The following MMP16 variants were observed in gnomAD, a reference collection of about 807,000 sequenced individuals.
MMP16 encodes the protein matrix metallopeptidase 16.
A neutral mutation model predicts 67.8 loss-of-function variants in MMP16; 12 were observed. The ratio of observed to expected loss-of-function variants is 0.18; its 90% CI spans 0.11 to 0.29. The LOEUF (loss-of-function observed/expected upper bound fraction) is 0.29. Among genes scored for constraint, MMP16 ranks in the 10% least tolerant of loss-of-function variants. The pLI is 1.00. For synonymous variants in MMP16, 249 were observed against 255.9 expected, an observed-to-expected ratio of 0.97 and a Z score of 0.26; for missense variants, 475 against 765.7, an observed-to-expected ratio of 0.62 and a Z score of 4.48.
At chr8:88,154,902 T>C (rs1808482458) in intron 4 of MMP16, among the ~76,000 whole-genome samples, 1 of 151,474 alleles carries the variant, frequency 6.6e-6, no homozygotes, top group Non-Finnish European at 1.5e-5. Flanking sequence ...GAAATACGTG[T>C]ATTATATATC....
chr8:88,227,118 A>G (rs1013061829), intron 1 of MMP16, among the ~76,000 whole-genome samples: 2 of 152,008 alleles, frequency 1.3e-5, no homozygotes, highest in African/African-American at 2.4e-5. Flanking sequence ...ATTAAAATAC[A>G]TAATAATGAT....
intron 4 of MMP16, among the ~76,000 whole-genome samples, chr8:88,164,513 G>A (rs1285411302): frequency 6.6e-6 from 1 of 152,038 alleles, no homozygotes; most frequent in Non-Finnish European, 1.5e-5. Context: ...CTGCCCTGCT[G>A]TTGCTGGTTA....
At chr8:88,302,306 T>C (rs1223025084) in intron 1 of MMP16, among the ~76,000 whole-genome samples, 1 of 152,238 alleles carries the variant, frequency 6.6e-6, no homozygotes, top group Admixed American at 6.5e-5. Flanking sequence ...TCTCACCTCT[T>C]GAGGAAAAAC....
intron 1 of MMP16, among the ~76,000 whole-genome samples, chr8:88,256,694 ACACACACACCC>A (rs1165487484): frequency 6.6e-6 from 1 of 151,340 alleles, no homozygotes; most frequent in African/African-American, 2.4e-5. Flanking sequence ...TCACACACAC[ACACACACACCC>A]CACACACACC....
At chr8:88,243,148 C>T (rs1236656793) in intron 1 of MMP16, among the ~76,000 whole-genome samples, 3 of 152,074 alleles carry the variant, frequency 2.0e-5, no homozygotes, top group Non-Finnish European at 4.4e-5. Context: ...CAGTTCCAGG[C>T]TTGAAGATAA....
intron 3 of MMP16, among the ~76,000 whole-genome samples, chr8:88,177,459 G>C (rs1041717478): frequency 6.6e-6 from 1 of 152,084 alleles, no homozygotes; most frequent in Non-Finnish European, 1.5e-5. Context: ...CCAAGAGAAG[G>C]AAAAACCCTC....
At chr8:88,304,502 C>T in intron 1 of MMP16, among the ~76,000 whole-genome samples, 1 of 152,134 alleles carries the variant, frequency 6.6e-6, no homozygotes, top group Non-Finnish European at 1.5e-5. Context: ...TCATCAGATT[C>T]TCCATGGTTG....
chr8:88,202,921 G>A (rs775940071), intron 1 of MMP16, among the ~76,000 whole-genome samples: 2 of 151,820 alleles, frequency 1.3e-5, no homozygotes, highest in Admixed American at 6.6e-5. Flanking sequence ...CCAGGTAAAC[G>A]TTCTAAAAGC....
chr8:88,264,226 T>A (rs1810439499), intron 1 of MMP16, among the ~76,000 whole-genome samples: 1 of 152,120 alleles, frequency 6.6e-6, no homozygotes, highest in African/African-American at 2.4e-5. Flanking sequence ...AGAGATGGAA[T>A]CTCACTGTGT....
At chr8:88,052,427 C>A (rs957885101) in intron 8 of MMP16, among the ~76,000 whole-genome samples, 1 of 152,150 alleles carries the variant, frequency 6.6e-6, no homozygotes, top group Non-Finnish European at 1.5e-5. Context: ...TTTGCTCCAT[C>A]TCCACTGCTA....
intron 9 of MMP16, among the ~76,000 whole-genome samples, chr8:88,044,745 A>G (rs984379140): frequency 2.6e-5 from 4 of 152,224 alleles, no homozygotes; most frequent in Non-Finnish European, 5.9e-5. Flanking sequence ...TATATAGCTT[A>G]GTAGATGTTC....
chr8:88,227,280 T>C (rs927755572), intron 1 of MMP16, among the ~76,000 whole-genome samples: 2 of 152,012 alleles, frequency 1.3e-5, no homozygotes, highest in Middle Eastern at 3.2e-3. Flanking sequence ...GGATCAAATA[T>C]AAAACATCAA....
intron 4 of MMP16, among the ~76,000 whole-genome samples, chr8:88,163,510 C>G (rs774893624): frequency 1.3e-5 from 2 of 151,950 alleles, no homozygotes; most frequent in Non-Finnish European, 2.9e-5. Context: ...ATTGCAACTA[C>G]GTGGTAAAAT....
At position 88,035,915 on chromosome 8, in the gene MMP16, A is replaced by G. The variant is rs2118167908; in HGVS notation, c.*5546T>C. On this transcript the variant is annotated 3_prime_UTR_variant, in exon 10 of 10. Transcript: ENST00000286614. The surrounding 1 kb of genome is among the most constrained non-coding windows in gnomAD (Gnocchi z 4.7). ...GGATGTTATTAATCTTACCTGAAATATTTCAGAATTGTTTCAAAATCACAC... is the reference window on the plus strand; with the variant it reads ...GGATGTTATTAATCTTACCTGAAATGTTTCAGAATTGTTTCAAAATCACAC... 6.6e-6 allele frequency: 1 copy of G among 152,106 alleles called. No individual in the cohort carries two copies. Among genetic ancestry groups the G allele is most frequent in the Non-Finnish European group, 1.5e-5 (1 of 67,870 alleles). The allele number at this position is 152,106 out of a possible 1,614,324, so 9.4% of individuals were successfully genotyped here.
Position 88,280,049 on chromosome 8 carries a change from T to C in MMP16, c.132+47026A>G, listed in dbSNP as rs1043383763. Among the ~76,000 whole-genome samples the C allele has an allele frequency of 5.9e-5, 9 of 152,248 alleles. No individual in the cohort carries two copies. The South Asian group carries it at 1.2e-3, about 21-fold the overall frequency. On this transcript the variant is annotated intron_variant, in intron 1 of 9. Transcript: ENST00000286614. The stretch of plus-strand genomic sequence containing the variant: ...AACATTTCCCTCCCTCCCACATCTC[T>C]CATGACCAAGCGGAGTCTCCCTCTG...
At chr8:88,263,512 T>C (rs1442390517) in intron 1 of MMP16, among the ~76,000 whole-genome samples, 2 of 152,152 alleles carry the variant, frequency 1.3e-5, no homozygotes, top group Non-Finnish European at 2.9e-5. Context: ...AGTTATTGTC[T>C]CATAGTGCTA....
intron 6 of MMP16, among the ~76,000 whole-genome samples, chr8:88,081,542 AAGTTCC>A (rs1808751169): frequency 6.6e-6 from 1 of 152,086 alleles, no homozygotes; most frequent in Non-Finnish European, 1.5e-5. Context: ...CTGAGCCTAG[AAGTTCC>A]ATACCAGCCT....
intron 4 of MMP16, among the ~76,000 whole-genome samples, chr8:88,167,126 C>T (rs1808727697): frequency 6.6e-6 from 1 of 152,034 alleles, no homozygotes; most frequent in South Asian, 2.1e-4. Context: ...GTAGGAGAAT[C>T]ACTTGAACCG....
intron 6 of MMP16, among the ~76,000 whole-genome samples, chr8:88,106,638 A>C (rs1809246239): frequency 6.6e-6 from 1 of 151,258 alleles, no homozygotes; most frequent in African/African-American, 2.4e-5. Flanking sequence ...GATACTATTA[A>C]CCTTTGACTT....
Sources: allele counts gnomAD v4.1 joint callset (sites outside exome capture counted in the v4.1 genomes callset), GRCh38; gene constraint gnomAD v4.1.1; non-coding constraint Gnocchi (gnomAD v3.1); transcripts MANE v1.5; gene names NCBI Gene and HGNC (gene_info 2026-07-23, HGNC 2026-07-21).